The following PCDHGB1 variants were observed in gnomAD, a reference collection of about 807,000 sequenced individuals.
The protein encoded by PCDHGB1 is protocadherin gamma-B1.
PCDHGB1 carries 34 observed loss-of-function variants against 56.6 expected under a neutral mutation model. That is an observed-to-expected ratio of 0.60 (90% CI 0.46 to 0.80). The LOEUF (loss-of-function observed/expected upper bound fraction) is 0.80. Among genes scored for constraint, PCDHGB1 ranks in the 30% least tolerant of loss-of-function variants. The pLI is 0.00. For missense variants in PCDHGB1, 1,278 were observed against 1,204.6 expected, an observed-to-expected ratio of 1.06 and a Z score of -0.90; for synonymous variants, 561 against 505.9, an observed-to-expected ratio of 1.11 and a Z score of -1.46.
Position 141,489,629 on chromosome 5 carries a change from C to G in PCDHGB1, c.2410-5178C>G. 6.2e-7 allele frequency: 1 copy of G among 1,614,142 alleles called. No individual in the cohort carries two copies. The highest frequency in any genetic ancestry group is 8.5e-7 in the Non-Finnish European group (1 of 1,180,014). On this transcript the variant is annotated intron_variant, in intron 1 of 3. Coordinates refer to ENST00000523390, the MANE Select transcript of PCDHGB1 (RefSeq NM_018922.3). The surrounding 1 kb of genome is among the most constrained non-coding windows in gnomAD (Gnocchi z 4.5). Reference sequence around the variant, plus strand: ...GAGATCCTGGATCTCAATGACAACTCTCCTAGCTTTGCCACCCCTGAGCGA... The same window carrying G: ...GAGATCCTGGATCTCAATGACAACTGTCCTAGCTTTGCCACCCCTGAGCGA...
intron 1 of PCDHGB1, among the ~76,000 whole-genome samples, chr5:141,460,252 A>T (rs1342135416): frequency 6.6e-6 from 1 of 151,974 alleles, no homozygotes; most frequent in African/African-American, 2.4e-5. Flanking sequence ...AATTTTGATA[A>T]AGCCCAATTT....
At chr5:141,509,953 G>A (rs987910496) in intron 3 of PCDHGB1, among the ~76,000 whole-genome samples, 4 of 152,282 alleles carry the variant, frequency 2.6e-5, no homozygotes, top group Non-Finnish European at 4.4e-5. Context: ...AAATGCTACC[G>A]GGTATGGCCT....
intron 1 of PCDHGB1, among the ~76,000 whole-genome samples, chr5:141,467,475 T>C (rs2099144764): frequency 6.6e-6 from 1 of 152,248 alleles, no homozygotes; most frequent in Non-Finnish European, 1.5e-5. Flanking sequence ...GCATGGTTTT[T>C]GGTTTCCACA....
At chr5:141,360,065 CT>C in intron 1 of PCDHGB1, 1 of 1,464,436 alleles carries the variant, frequency 6.8e-7, no homozygotes, top group Non-Finnish European at 9.0e-7. Flanking sequence ...GAAAAGTGAC[CT>C]TAGCCCGGAT....
At chr5:141,500,887 T>C (rs557735403) in intron 2 of PCDHGB1, among the ~76,000 whole-genome samples, 1 of 95,622 alleles carries the variant, frequency 1.0e-5, no homozygotes, top group South Asian at 2.8e-4. Context: ...ATTTTTTTTT[T>C]TTGAGACAGT....
intron 1 of PCDHGB1, among the ~76,000 whole-genome samples, chr5:141,381,379 A>G (rs1777152339): frequency 6.6e-6 from 1 of 152,224 alleles, no homozygotes; most frequent in Non-Finnish European, 1.5e-5. Flanking sequence ...GGATCCATCA[A>G]TAATTTAGTT....
Position 141,493,689 on chromosome 5 carries a change from C to A in PCDHGB1, c.2410-1118C>A, listed in dbSNP as rs2099749557. The stretch of plus-strand genomic sequence containing the variant: ...GGCAGCCCCAGAATGGTGCTGGTGA[C>A]TCCCGATACACCTGGAATGCTAGGT... On this transcript the variant is annotated intron_variant, in intron 1 of 3. Transcript: ENST00000523390. The surrounding 1 kb of genome is among the most constrained non-coding windows in gnomAD (Gnocchi z 4.3). Among the ~76,000 whole-genome samples the A allele has an allele frequency of 6.6e-6, 1 of 152,218 alleles. No homozygotes were observed. The highest frequency in any genetic ancestry group is 2.4e-5 in the African/African-American group (1 of 41,450).
chr5:141,362,123 T>C (rs1762339716), intron 1 of PCDHGB1: 1 of 1,613,882 alleles, frequency 6.2e-7, no homozygotes, highest in African/African-American at 1.3e-5. Flanking sequence ...CTGCACCTAA[T>C]CTTCGCGGAT....
intron 1 of PCDHGB1, chr5:141,357,123 G>A: frequency 1.2e-6 from 2 of 1,613,670 alleles, no homozygotes; most frequent in Non-Finnish European, 1.7e-6. Flanking sequence ...TCAAGCAGAG[G>A]CTTGTAGTGG....
At chr5:141,374,028 G>A (rs1417226376) in intron 1 of PCDHGB1, 1 of 1,418,506 alleles carries the variant, frequency 7.0e-7, no homozygotes, top group Non-Finnish European at 9.3e-7. Context: ...GAGCAAAAGT[G>A]ATGCAGATCT....
chr5:141,465,343 T>A (rs1221229916), intron 1 of PCDHGB1, among the ~76,000 whole-genome samples: 1 of 152,118 alleles, frequency 6.6e-6, no homozygotes, highest in Non-Finnish European at 1.5e-5. Flanking sequence ...TATTGGTTAC[T>A]GAAGAAAAAA....
At chr5:141,473,738 C>T (rs755682627) in intron 1 of PCDHGB1, among the ~76,000 whole-genome samples, 2 of 152,310 alleles carry the variant, frequency 1.3e-5, no homozygotes, top group Non-Finnish European at 2.9e-5. Flanking sequence ...AGGGAGAAGA[C>T]ATGAGAACTT....
intron 1 of PCDHGB1, chr5:141,392,442 A>C (rs1355396676): frequency 1.2e-5 from 2 of 161,844 alleles, no homozygotes; most frequent in East Asian, 3.6e-4. Context: ...TGTTTCTTTT[A>C]AAATATGGGT....
At chr5:141,420,391 G>C in intron 1 of PCDHGB1, 1 of 1,270,636 alleles carries the variant, frequency 7.9e-7, no homozygotes, top group Non-Finnish European at 1.0e-6. Flanking sequence ...GCAAAATATA[G>C]GTCAAATTTA....
chr5:141,376,073 G>A (rs767716077), intron 1 of PCDHGB1: 1 of 1,613,508 alleles, frequency 6.2e-7, no homozygotes, highest in Non-Finnish European at 8.5e-7. Context: ...CACCGTGGCC[G>A]TGGCCGACAG....
At chr5:141,400,819 C>A (rs1316119038) in intron 1 of PCDHGB1, among the ~76,000 whole-genome samples, 1 of 152,132 alleles carries the variant, frequency 6.6e-6, no homozygotes, top group African/African-American at 2.4e-5. Flanking sequence ...TTTACCTATT[C>A]GTTGTCTCAT....
intron 1 of PCDHGB1, among the ~76,000 whole-genome samples, chr5:141,443,609 T>C (rs2098396115): frequency 1.3e-5 from 2 of 152,260 alleles, no homozygotes; most frequent in African/African-American, 4.8e-5. Flanking sequence ...GAAATGTTCT[T>C]ATAATCAGGT....
chr5:141,410,817 A>T, intron 1 of PCDHGB1: 1 of 524,252 alleles, frequency 1.9e-6, no homozygotes, highest in Non-Finnish European at 3.1e-6. Context: ...TTGTAAAATA[A>T]TGTCACCAGA....
In PCDHGB1 at chr5:141,485,433, A is replaced by G. The variant is rs2099613324; in HGVS notation, c.2410-9374A>G. On this transcript the variant is annotated intron_variant, in intron 1 of 3. Transcript: ENST00000523390. The surrounding 1 kb of genome is among the most constrained non-coding windows in gnomAD (Gnocchi z 5.7). The stretch of plus-strand genomic sequence containing the variant: ...TTGGACAGCGGAGCCCTGCTCATCA[A>G]GAACCCAATCGACCGAGAGGCACTG... 6 of 1,614,208 alleles carry G rather than the reference A, an allele frequency of 3.7e-6. No homozygotes were observed. Among genetic ancestry groups the G allele is most frequent in the Non-Finnish European group, 5.1e-6 (6 of 1,180,030 alleles).
Sources: gnomAD v4.1 joint callset for allele counts (sites outside exome capture counted in the v4.1 genomes callset) on GRCh38, gnomAD v4.1.1 for gene constraint, Gnocchi (gnomAD v3.1) non-coding constraint, MANE v1.5 for transcripts, NCBI Gene and HGNC (gene_info 2026-07-23, HGNC 2026-07-21) for gene names.